LRRC72: variants seen among roughly 807,000 people sequenced by gnomAD.
LRRC72 encodes the protein leucine-rich repeat-containing protein 72.
In LRRC72, 41 loss-of-function variants were observed where a neutral mutation model predicts 35.8. The ratio of observed to expected loss-of-function variants is 1.15; its 90% CI spans 0.89 to 1.49. The LOEUF (loss-of-function observed/expected upper bound fraction) is 1.49, where lower values mean the gene tolerates loss of function less well. Among genes scored for constraint, LRRC72 ranks in the 40% most tolerant of loss-of-function variants. LRRC72 has a pLI of 0.00. For missense variants in LRRC72, 389 were observed against 330.7 expected (o/e 1.18, Z -1.37); for synonymous variants, 118 against 119.2 (o/e 0.99, Z 0.07).
At position 16,557,422 on chromosome 7, in the gene LRRC72, T is replaced by C; in HGVS notation, c.297T>C (p.Asn99=). The C allele has an allele frequency of 1.5e-6, 2 of 1,294,094 alleles. No individual in the cohort carries two copies. The highest frequency in any genetic ancestry group is 2.0e-6 in the Non-Finnish European group (2 of 986,394). 80.2% of individuals were successfully genotyped at this position (1,294,094 alleles called of 1,614,324 possible). The change falls in exon 4 of 9, where the codon AAT becomes AAC. Residue 99 remains asparagine, a synonymous_variant. Coordinates refer to ENST00000401542, the MANE Select transcript of LRRC72 (RefSeq NM_001195280.2). The part of the protein sequence containing the change: ...YCLTELYLNN[N]AIFEIEGLHY... ...TGACAGAACTATATCTAAACAACAATGCAATATTTGAGATAGAAGGTACGT... is the reference window on the plus strand; with the variant it reads ...TGACAGAACTATATCTAAACAACAACGCAATATTTGAGATAGAAGGTACGT...
chr7:16,531,095 A>T lies in LRRC72; in HGVS notation c.91-1400A>T, dbSNP rs149513145. On this transcript the variant is annotated intron_variant, in intron 1 of 8. Coordinates refer to ENST00000401542, the MANE Select transcript of LRRC72 (RefSeq NM_001195280.2). ...TCCCAGCTACTTGGGAGGCAGGAGAATTGCTTGAACCTGGGAGGCAGAGGT... is the reference window on the plus strand; with the variant it reads ...TCCCAGCTACTTGGGAGGCAGGAGATTTGCTTGAACCTGGGAGGCAGAGGT... 1.2e-3 allele frequency among the ~76,000 whole-genome samples: 180 copies of T among 151,528 alleles called. 3 individuals carry two copies. The East Asian group carries it at 0.03, about 25-fold the overall frequency.
chr7:16,558,746 A>G, intron 4 of LRRC72, 143 bp from the exon 5 acceptor site: 2 of 311,024 alleles, frequency 6.4e-6, no homozygotes, highest in Non-Finnish European at 1.2e-5. Context: ...ATTAATAGTT[A>G]TTCCTTCTTT....
Position 16,548,300 on chromosome 7 carries a change from G to A in LRRC72, c.235-9060G>A, listed in dbSNP as rs182918028. Among the ~76,000 whole-genome samples the A allele has an allele frequency of 2.5e-3, 384 of 152,286 alleles. 2 individuals are homozygous for A. Among genetic ancestry groups the A allele is most frequent in the African/African-American group, 8.8e-3 (367 of 41,550 alleles). ...GAACTCGAGACCTGCTGAATGGCGGGGCTAAAAGAGCCATAACACAAACAG... is the reference window on the plus strand; with the variant it reads ...GAACTCGAGACCTGCTGAATGGCGGAGCTAAAAGAGCCATAACACAAACAG... On this transcript the variant is annotated intron_variant, in intron 3 of 8. Coordinates refer to ENST00000401542, the MANE Select transcript of LRRC72 (RefSeq NM_001195280.2).
chr7:16,529,897 A>G (rs906196917), intron 1 of LRRC72, among the ~76,000 whole-genome samples: 1 of 152,226 alleles, frequency 6.6e-6, no homozygotes, highest in Non-Finnish European at 1.5e-5. Flanking sequence ...ATACTAAAAC[A>G]TCACTAAAAA....
intron 2 of LRRC72, among the ~76,000 whole-genome samples, chr7:16,535,896 G>A (rs992560552): frequency 1.3e-5 from 2 of 152,158 alleles, no homozygotes; most frequent in Non-Finnish European, 2.9e-5. Context: ...GTTTGAGATG[G>A]AGTTTTGCTC....
chr7:16,561,362 A>G (rs937707504), intron 5 of LRRC72, among the ~76,000 whole-genome samples: 1 of 152,240 alleles, frequency 6.6e-6, no homozygotes, highest in African/African-American at 2.4e-5. Flanking sequence ...CTCCCACAGT[A>G]ATAAACAGAG....
chr7:16,536,965 T>A (rs1354845287), intron 2 of LRRC72: 1 of 152,200 alleles, frequency 6.6e-6, no homozygotes. Context: ...ATCAATCAAA[T>A]GGACCAACTA....
intron 3 of LRRC72, among the ~76,000 whole-genome samples, chr7:16,541,044 A>G (rs1782347731): frequency 6.6e-6 from 1 of 152,114 alleles, no homozygotes; most frequent in African/African-American, 2.4e-5. Context: ...GTTTCTCTTA[A>G]AGGCTAGGGT....
intron 7 of LRRC72, among the ~76,000 whole-genome samples, chr7:16,568,796 G>C (rs1782893594): frequency 6.6e-6 from 1 of 152,060 alleles, no homozygotes; most frequent in South Asian, 2.1e-4. Context: ...ACCTACAAAA[G>C]AATAACACAG....
At chr7:16,531,026 A>G (rs1782151977) in intron 1 of LRRC72, among the ~76,000 whole-genome samples, 2 of 151,964 alleles carry the variant, frequency 1.3e-5, no homozygotes, top group Non-Finnish European at 2.9e-5. Context: ...GTGAAACCCC[A>G]TCTCTACAAA....
chr7:16,556,881 G>C (rs528603158), intron 3 of LRRC72, among the ~76,000 whole-genome samples: 78 of 152,116 alleles, frequency 5.1e-4, no homozygotes, highest in Non-Finnish European at 8.2e-4. Context: ...AAATAATTTC[G>C]AGTGTACCAA....
intron 3 of LRRC72, among the ~76,000 whole-genome samples, chr7:16,544,449 A>C (rs551989908): frequency 6.6e-6 from 1 of 152,188 alleles, no homozygotes; most frequent in African/African-American, 2.4e-5. Context: ...ATGTTTTCCT[A>C]ACACCCGCTG....
intron 5 of LRRC72, 136 bp from the exon 6 acceptor site, chr7:16,566,177 T>G (rs1782834822): frequency 1.9e-6 from 1 of 536,016 alleles, no homozygotes; most frequent in Non-Finnish European, 3.2e-6. Flanking sequence ...GTTTAATGGG[T>G]CTATTGCTTG....
chr7:16,579,159 T>C (rs1293179471), intron 7 of LRRC72, among the ~76,000 whole-genome samples: 1 of 152,222 alleles, frequency 6.6e-6, no homozygotes, highest in Non-Finnish European at 1.5e-5. Context: ...GATGAATATG[T>C]TAATTAGATT....
intron 1 of LRRC72, among the ~76,000 whole-genome samples, chr7:16,529,046 AT>A (rs1270948623): frequency 1.3e-5 from 2 of 152,208 alleles, no homozygotes; most frequent in Non-Finnish European, 2.9e-5. Flanking sequence ...ATCATATAAA[AT>A]TAAATGATGT....
chr7:16,558,575 A>C (rs1782690917), intron 4 of LRRC72, among the ~76,000 whole-genome samples: 2 of 152,194 alleles, frequency 1.3e-5, no homozygotes, highest in South Asian at 4.2e-4. Context: ...GTGCCATTGC[A>C]CTCCAGCCTG....
At chr7:16,537,723 A>G in intron 3 of LRRC72, 27 bp downstream of exon 3, 1 of 1,225,562 alleles carries the variant, frequency 8.2e-7, no homozygotes, top group East Asian at 2.6e-5. Context: ...TCTTTCAATT[A>G]CTAAAATTAA....
intron 5 of LRRC72, among the ~76,000 whole-genome samples, chr7:16,564,638 T>C (rs1203403856): frequency 1.3e-5 from 2 of 152,214 alleles, no homozygotes; most frequent in Non-Finnish European, 2.9e-5. Context: ...CCTGTAACTT[T>C]TGTTTATTAT....
Position 16,526,860 on chromosome 7 carries a change from C to A in LRRC72, c.-93C>A. 1 of 986,346 alleles carries A rather than the reference C, an allele frequency of 1.0e-6. No individual in the cohort carries two copies. Among genetic ancestry groups the A allele is most frequent in the South Asian group, 1.4e-5 (1 of 72,288 alleles). The allele number at this position is 986,346 out of a possible 1,614,324, so 61.1% of individuals were successfully genotyped here. On this transcript the variant is annotated 5_prime_UTR_variant, in exon 1 of 9. Transcript: ENST00000401542. ...AATGCGGTAACTGTTGGTAACAGAA[C>A]AACGAGCTGTGCACCAAGCCAAGTC... is the stretch of plus-strand genomic sequence containing the variant.
Sources: gnomAD v4.1 joint callset for allele counts (sites outside exome capture counted in the v4.1 genomes callset) on GRCh38, gnomAD v4.1.1 for gene constraint, MANE v1.5 for transcripts, NCBI Gene and HGNC (gene_info 2026-07-23, HGNC 2026-07-21) for gene names.